TSFM: variants seen among roughly 807,000 people sequenced by gnomAD.
TSFM encodes elongation factor Ts, mitochondrial.
Under a neutral mutation model 33.4 loss-of-function variants are expected in TSFM, and 29 were observed. The observed-to-expected ratio is 0.87, with a 90% confidence interval of 0.65 to 1.18. The LOEUF is 1.18. Ranked by LOEUF, TSFM falls within the 50% of genes most tolerant of loss-of-function variation. TSFM has a pLI of 0.00. For synonymous variants in TSFM, 178 were observed against 163.5 expected, an observed-to-expected ratio of 1.09 and a Z score of -0.68; for missense variants, 394 against 395.6, an observed-to-expected ratio of 1.00 and a Z score of 0.04.
Position 57,796,502 on chromosome 12 carries a change from T to C in TSFM, c.897T>C (p.Tyr299=), listed in dbSNP as rs755545535. ...ATCCCTCCATTACCTTGGGGCAGTATGTGCAGCCTCAGGGGGTGTCGGTAG... is the reference window on the plus strand; with the variant it reads ...ATCCCTCCATTACCTTGGGGCAGTACGTGCAGCCTCAGGGGGTGTCGGTAG... ...LLDPSITLGQ[Y]VQPQGVSVVD... The change falls in exon 6 of 6, where the codon TAT becomes TAC. Residue 299 remains tyrosine, a synonymous_variant. Transcript: ENST00000652027. 6.4e-7 allele frequency: 1 copy of C among 1,551,972 alleles called. No homozygotes were observed. The highest frequency in any genetic ancestry group is 1.4e-5 in the African/African-American group (1 of 73,364).
rs771840126 is a variant in TSFM at position 57,796,465 on chromosome 12, C to T, written c.860C>T (p.Pro287Leu). The T allele has an allele frequency of 6.3e-6, 10 of 1,594,504 alleles. No homozygotes were observed. The highest frequency in any genetic ancestry group is 4.5e-5 in the South Asian group (4 of 88,120). ...GEAETKMLSQ[P>L]YLLDPSITLG... Reference sequence around the variant, plus strand: ...GCAGAGACTAAGATGCTGTCCCAGCCGTATTTGCTGGATCCCTCCATTACC... The same window carrying T: ...GCAGAGACTAAGATGCTGTCCCAGCTGTATTTGCTGGATCCCTCCATTACC... The change falls in exon 6 of 6, where the codon CCG (proline) becomes CTG (leucine). Residue 287 changes from proline (P) to leucine (L), a missense_variant. Transcript: ENST00000652027.
Position 57,783,165 on chromosome 12 carries a change from C to A in TSFM, c.113C>A (p.Pro38His), listed in dbSNP as rs372416778. 6.2e-7 allele frequency: 1 copy of A among 1,613,272 alleles called. No homozygotes were observed. The highest frequency in any genetic ancestry group is 1.1e-5 in the South Asian group (1 of 91,078). The stretch of plus-strand genomic sequence containing the variant: ...CCAAGGCACACATTTTATGCTGGGC[C>A]CCGTCTGTCTGCCTCGGCCTCCAGC... ...PQPRHTFYAG[P>H]RLSASASSKE... is the part of the protein sequence containing the mutation. Residue 38 changes from proline to histidine, a missense_variant, in exon 2 of 6, where the codon CCC (proline) becomes CAC (histidine). Transcript: ENST00000652027.
At chr12:57,789,295 A>G (rs1955631079) in intron 4 of TSFM, among the ~76,000 whole-genome samples, 1 of 151,706 alleles carries the variant, frequency 6.6e-6, no homozygotes, top group Non-Finnish European at 1.5e-5. Context: ...TCTTTTTGTA[A>G]GTATGTTGCA....
Position 57,796,531 on chromosome 12 carries a change from A to C in TSFM, c.926A>C (p.Asp309Ala). The C allele has an allele frequency of 6.7e-7, 1 of 1,482,668 alleles. No homozygotes were observed. The highest frequency in any genetic ancestry group is 9.0e-7 in the Non-Finnish European group (1 of 1,113,796). The allele number at this position is 1,482,668 out of a possible 1,614,324, so 91.8% of individuals were successfully genotyped here. A position where few individuals can be genotyped will look rare whatever the true frequency, so the allele number is the denominator to read the frequency against. Residue 309 changes from aspartate to alanine, a missense_variant, in exon 6 of 6, where the codon GAC (aspartate) becomes GCC (alanine). By Grantham distance (126) the Asp-to-Ala change is moderately radical (BLOSUM62 -2). Coordinates refer to ENST00000652027, the MANE Select transcript of TSFM (RefSeq NM_005726.6). ...CAGCCTCAGGGGGTGTCGGTAGTAG[A>C]CTTTGTGCGGTTTGAATGTGGAGAA... ...YVQPQGVSVV[D>A]FVRFECGEGE...
chr12:57,799,799 T>C (rs1437308713), downstream of TSFM: 2 of 1,613,792 alleles, frequency 1.2e-6, no homozygotes, highest in Non-Finnish European at 1.7e-6. Context: ...ACTCACCTCC[T>C]TTTTGGCAGG....
downstream of TSFM, chr12:57,800,644 GTTGCC>G (rs1426693973): frequency 6.5e-6 from 1 of 153,122 alleles, no homozygotes; most frequent in African/African-American, 2.4e-5. Flanking sequence ...CTCTCGCTCT[GTTGCC>G]CAGGCTGGAG....
chr12:57,802,675 T>G, downstream of TSFM: 1 of 635,152 alleles, frequency 1.6e-6, no homozygotes, highest in Non-Finnish European at 2.8e-6. Flanking sequence ...GATGTAGCTC[T>G]TCTTTACTAA....
downstream of TSFM, chr12:57,802,179 C>T: frequency 6.2e-7 from 1 of 1,613,930 alleles, no homozygotes; most frequent in Non-Finnish European, 8.5e-7. Flanking sequence ...GTTAGGGTCC[C>T]AGGCTAGGAA....
chr12:57,801,167 CA>C, downstream of TSFM: 14 of 1,613,732 alleles, frequency 8.7e-6, no homozygotes, highest in Non-Finnish European at 1.2e-5. Flanking sequence ...ATGATAGCAG[CA>C]GCATCTCCCA....
chr12:57,801,711 G>A (rs1345250272), downstream of TSFM, among the ~76,000 whole-genome samples: 1 of 151,986 alleles, frequency 6.6e-6, no homozygotes, highest in South Asian at 2.1e-4. Flanking sequence ...TTACACTCCA[G>A]CCTGGACAAC....
Position 57,796,685 on chromosome 12 carries a change from G to A in TSFM, c.*102G>A, listed in dbSNP as rs1220002510. On this transcript the variant is annotated 3_prime_UTR_variant, in exon 6 of 6. Coordinates refer to ENST00000652027, the MANE Select transcript of TSFM (RefSeq NM_005726.6). ...ACCTCTTCAGACCGAGAATGCATGG[G>A]TAAAATTATTAAATAGTTGTATAAT... 44 of 1,255,972 alleles carry A rather than the reference G, an allele frequency of 3.5e-5. No homozygotes were observed. The South Asian group carries it at 1.6e-3, about 46-fold the overall frequency. 77.8% of individuals were successfully genotyped at this position (1,255,972 alleles called of 1,614,324 possible).
chr12:57,783,662 T>C (rs530112418), intron 2 of TSFM: 41 of 585,462 alleles, frequency 7.0e-5, no homozygotes, highest in East Asian at 6.4e-4. Context: ...GGCACGATGT[T>C]GGCTCACTGC....
intron 4 of TSFM, 38 bp from the exon 5 acceptor site, chr12:57,792,948 A>G (rs939440560): frequency 3.5e-5 from 55 of 1,586,486 alleles, no homozygotes; most frequent in Non-Finnish European, 4.2e-5. Flanking sequence ...TTTGAATAGT[A>G]CAGAATCAGT....
At chr12:57,786,366 G>T in intron 3 of TSFM, 75 bp downstream of exon 3, 2 of 1,483,614 alleles carry the variant, frequency 1.3e-6, no homozygotes, top group South Asian at 2.8e-5. Flanking sequence ...CCCTAAAGGG[G>T]CCTGTTCTTG....
chr12:57,797,989 G>A (rs1201399588), downstream of TSFM: 2 of 1,603,810 alleles, frequency 1.2e-6, no homozygotes, highest in Admixed American at 3.4e-5. Context: ...TGTTCAGAGA[G>A]GTAATTCTAA....
rs769013394 is a variant in TSFM at position 57,797,158 on chromosome 12, C to G, written c.*575C>G. The G allele has an allele frequency of 1.0e-6, 1 of 985,402 alleles. No homozygotes were observed. Among genetic ancestry groups the G allele is most frequent in the East Asian group, 1.1e-4 (1 of 8,818 alleles). The allele number at this position is 985,402 out of a possible 1,614,324, so 61.0% of individuals were successfully genotyped here. On this transcript the variant is annotated 3_prime_UTR_variant, in exon 6 of 6. Transcript: ENST00000652027. ...ATTAATAACACATGCCCCTATTTCT[C>G]TTTTGGATGATGTGTGGGTGGGTGG...
chr12:57,791,229 C>T (rs11172340), intron 4 of TSFM, among the ~76,000 whole-genome samples: 3,681 of 152,226 alleles, frequency 0.024, 154 homozygotes, highest in African/African-American at 0.085. Context: ...AGGCTGGTCT[C>T]GAACTCCTGA....
chr12:57,786,856 C>G (rs1955597514), intron 3 of TSFM, among the ~76,000 whole-genome samples, 184 bp from the exon 4 acceptor site: 1 of 152,196 alleles, frequency 6.6e-6, no homozygotes, highest in African/African-American at 2.4e-5. Context: ...ACTGGCCCAA[C>G]ATAAATCACT....
chr12:57,801,510 C>T (rs908656407), downstream of TSFM: 30 of 227,402 alleles, frequency 1.3e-4, no homozygotes, highest in Non-Finnish European at 1.8e-4. Flanking sequence ...GAGGCTGAGG[C>T]GGGTGGATCA....
Sources: allele counts gnomAD v4.1 joint callset (sites outside exome capture counted in the v4.1 genomes callset), GRCh38; gene constraint gnomAD v4.1.1; transcripts MANE v1.5; gene names NCBI Gene and HGNC (gene_info 2026-07-23, HGNC 2026-07-21).